RALGAPA2: variants seen among roughly 807,000 people sequenced by gnomAD.
RALGAPA2 encodes Ral GTPase activating protein catalytic subunit alpha 2, also known as ral GTPase-activating protein subunit alpha-2.
Under a neutral mutation model 230.4 loss-of-function variants are expected in RALGAPA2, and 139 were observed. The observed-to-expected ratio is 0.60, with a 90% CI of 0.53 to 0.69. RALGAPA2 has a LOEUF of 0.69. RALGAPA2 is among the 30% of genes least tolerant of loss of function. RALGAPA2 has a pLI of 0.00. For missense variants in RALGAPA2, 2,163 were observed against 2,276.0 expected, an observed-to-expected ratio of 0.95 and a Z score of 1.01; for synonymous variants, 847 against 837.8, an observed-to-expected ratio of 1.01 and a Z score of -0.19.
At chr20:20,405,791 A>G (rs1300344084) in intron 38 of RALGAPA2, among the ~76,000 whole-genome samples, 1 of 152,106 alleles carries the variant, frequency 6.6e-6, no homozygotes, top group East Asian at 1.9e-4. Flanking sequence ...CACTTTCACT[A>G]AGAGACTGGG....
chr20:20,488,990 T>C (rs1338945657), intron 36 of RALGAPA2, among the ~76,000 whole-genome samples: 3 of 152,216 alleles, frequency 2.0e-5, no homozygotes, highest in Non-Finnish European at 4.4e-5. Context: ...TAAGATCTCT[T>C]GTGACCATCT....
chr20:20,415,825 A>T (rs2060153539), intron 37 of RALGAPA2, among the ~76,000 whole-genome samples: 1 of 152,254 alleles, frequency 6.6e-6, no homozygotes, highest in Non-Finnish European at 1.5e-5. Context: ...GAACTTCTCG[A>T]GACTCTCAAG....
intron 20 of RALGAPA2, among the ~76,000 whole-genome samples, chr20:20,573,478 T>G (rs1366124946): frequency 6.6e-6 from 1 of 152,130 alleles, no homozygotes; most frequent in Non-Finnish European, 1.5e-5. Flanking sequence ...ACAAGAAATT[T>G]CCATCCCTTT....
rs1351598783 is a variant in RALGAPA2, at chr20:20,571,948, TAA to T, written c.2902-4_2902-3del. The T allele has an allele frequency of 6.3e-7, 1 of 1,594,320 alleles. No individual in the cohort carries two copies. Among genetic ancestry groups the T allele is most frequent in the East Asian group, 2.2e-5 (1 of 44,538 alleles). ...GCTTATTGCTAGATTATCCCGTATCTAATTCACAAAGAGGAGAATTTTAGGGT... is the reference window on the plus strand; with the variant it reads ...GCTTATTGCTAGATTATCCCGTATCTTTCACAAAGAGGAGAATTTTAGGGT... On this transcript the variant is annotated splice_region_variant and splice_polypyrimidine_tract_variant and intron_variant, in intron 21 of 39. Coordinates refer to ENST00000202677, the MANE Select transcript of RALGAPA2 (RefSeq NM_020343.4).
At chr20:20,447,670 C>G (rs983806683) in intron 37 of RALGAPA2, among the ~76,000 whole-genome samples, 3 of 150,388 alleles carry the variant, frequency 2.0e-5, no homozygotes, top group Admixed American at 6.6e-5. Flanking sequence ...AGTCAAATAT[C>G]AACAACTTCA....
At chr20:20,525,257 G>A (rs1378674905) in intron 28 of RALGAPA2, among the ~76,000 whole-genome samples, 5 of 152,174 alleles carry the variant, frequency 3.3e-5, no homozygotes, top group Non-Finnish European at 7.4e-5. Context: ...TAGTTTTATT[G>A]TAAATTACCC....
intron 4 of RALGAPA2, among the ~76,000 whole-genome samples, chr20:20,648,496 TA>T (rs1396698827): frequency 1.1e-4 from 17 of 152,170 alleles, no homozygotes; most frequent in African/African-American, 3.6e-4. Context: ...TAAATATATG[TA>T]ATTTACTGTG....
rs189808281 is a variant in RALGAPA2 at position 20,570,898 on chromosome 20, C to T, written c.3156+560G>A. Reference sequence around the variant, plus strand: ...GTCAGGGTCTGGCCACACCCTATCTCCCAAACCTAGGGCCTACAAGGAGGA... The same window carrying T: ...GTCAGGGTCTGGCCACACCCTATCTTCCAAACCTAGGGCCTACAAGGAGGA... On this transcript the variant is annotated intron_variant, in intron 23 of 39. Transcript: ENST00000202677. Among the ~76,000 whole-genome samples, 206 of 152,316 alleles carry T rather than the reference C, an allele frequency of 1.4e-3. 2 individuals are homozygous for T. The highest frequency in any genetic ancestry group is 3.7e-4 in the Non-Finnish European group (25 of 68,024).
At position 20,546,572 on chromosome 20, in the gene RALGAPA2, G is replaced by C. The variant is rs574607480; in HGVS notation, c.3285+132C>G. 281 of 1,187,472 alleles carry C rather than the reference G, an allele frequency of 2.4e-4. No individual in the cohort carries two copies. In the African/African-American group the frequency reaches 3.8e-3, roughly 16 times the overall value. The allele number at this position is 1,187,472 out of a possible 1,614,324, so 73.6% of individuals were successfully genotyped here. A position where few individuals can be genotyped will look rare whatever the true frequency, so the allele number is the denominator to read the frequency against. ...TACAATTTCACACATCAGCTGCCAG[G>C]GTATCTACCCTGAGAGCCCAGTTTC... is the stretch of plus-strand genomic sequence containing the variant. On this transcript the variant is annotated intron_variant, in intron 24 of 39. Coordinates refer to ENST00000202677, the MANE Select transcript of RALGAPA2 (RefSeq NM_020343.4).
Position 20,676,224 on chromosome 20 carries a change from A to T in RALGAPA2, c.270+12T>A. The stretch of plus-strand genomic sequence containing the variant: ...AGAATTATAAAAGCTAAATAAACTC[A>T]TCAAAACTTACTTCAAAAAGGAAGA... On this transcript the variant is annotated intron_variant, in intron 3 of 39. Transcript: ENST00000202677. The T allele has an allele frequency of 2.0e-6, 3 of 1,508,850 alleles. No homozygotes were observed. The highest frequency in any genetic ancestry group is 2.7e-6 in the Non-Finnish European group (3 of 1,098,336). 93.5% of individuals were successfully genotyped at this position (1,508,850 alleles called of 1,614,324 possible). A position where few individuals can be genotyped will look rare whatever the true frequency, so the allele number is the denominator to read the frequency against.
At chr20:20,576,795 T>TCAA (rs2064833098) in intron 20 of RALGAPA2, among the ~76,000 whole-genome samples, 2 of 152,130 alleles carry the variant, frequency 1.3e-5, no homozygotes, top group African/African-American at 4.8e-5. Context: ...AATAGCATAC[T>TCAA]GTATTATTTT....
At position 20,581,580 on chromosome 20, in the gene RALGAPA2, T is replaced by C. The variant is rs536864538; in HGVS notation, c.2707+1470A>G. On this transcript the variant is annotated intron_variant, in intron 20 of 39. Coordinates refer to ENST00000202677, the MANE Select transcript of RALGAPA2 (RefSeq NM_020343.4). The stretch of plus-strand genomic sequence containing the variant: ...AATCTCCCCATCTCTAAAACAGACA[T>C]GATAAGACTTGGCCTGCTTCCCATA... Among the ~76,000 whole-genome samples the C allele has an allele frequency of 2.0e-5, 3 of 152,282 alleles. No homozygotes were observed. In the East Asian group the frequency reaches 5.8e-4, roughly 29 times the overall value.
At chr20:20,454,864 A>G (rs2061073671) in intron 37 of RALGAPA2, among the ~76,000 whole-genome samples, 1 of 152,228 alleles carries the variant, frequency 6.6e-6, no homozygotes, top group South Asian at 2.1e-4. Flanking sequence ...ATATTTTTAA[A>G]GTTTTAATGT....
chr20:20,402,750 C>T (rs1392025732), intron 38 of RALGAPA2, among the ~76,000 whole-genome samples: 2 of 152,186 alleles, frequency 1.3e-5, no homozygotes, highest in African/African-American at 4.8e-5. Context: ...TCCCCCATCC[C>T]CACAGTGCAC....
intron 3 of RALGAPA2, among the ~76,000 whole-genome samples, chr20:20,672,441 C>T (rs890128543): frequency 2.6e-5 from 4 of 151,964 alleles, no homozygotes; most frequent in Non-Finnish European, 4.4e-5. Flanking sequence ...TAAAAATGAA[C>T]GAGGATCAAG....
In RALGAPA2 at chr20:20,512,577, G is replaced by A. The variant is rs1017215691; in HGVS notation, c.4792C>T (p.Arg1598Ter). The A allele has an allele frequency of 1.9e-6, 3 of 1,613,624 alleles. No homozygotes were observed. Among genetic ancestry groups the A allele is most frequent in the East Asian group, 2.2e-5 (1 of 44,882 alleles). ...SQGQPSPVEP[R>*]GPFYFCRLLL... Reference sequence around the variant, plus strand: ...AACCTGCAGAAATAAAAGGGTCCTCGGGGCTCCACTGGGGAGGGCTGCCCT... The same window carrying A: ...AACCTGCAGAAATAAAAGGGTCCTCAGGGCTCCACTGGGGAGGGCTGCCCT... Residue 1598 changes from arginine (R) to a stop codon, truncating the protein, a stop_gained, in exon 32 of 40, where the codon CGA (arginine) becomes TGA (stop). Coordinates refer to ENST00000202677, the MANE Select transcript of RALGAPA2 (RefSeq NM_020343.4). LOFTEE classifies it high-confidence loss of function.
At chr20:20,468,941 CTG>C (rs373453686) in intron 37 of RALGAPA2, among the ~76,000 whole-genome samples, 103 of 147,860 alleles carry the variant, frequency 7.0e-4, no homozygotes, top group South Asian at 3.9e-3. Flanking sequence ...CACCTCCATC[CTG>C]TGTGTGTGTG....
At chr20:20,593,118 T>A (rs1405095878) in intron 16 of RALGAPA2, among the ~76,000 whole-genome samples, 1 of 152,192 alleles carries the variant, frequency 6.6e-6, no homozygotes, top group Non-Finnish European at 1.5e-5. Flanking sequence ...GGTTTTGCCA[T>A]GTTGCCTAGG....
At chr20:20,451,934 T>C (rs773255941) in intron 37 of RALGAPA2, among the ~76,000 whole-genome samples, 8 of 152,256 alleles carry the variant, frequency 5.3e-5, no homozygotes, top group Non-Finnish European at 1.2e-4. Flanking sequence ...AATACTATAA[T>C]GTGAGCTTGA....
Sources: gnomAD v4.1 joint callset for allele counts (sites outside exome capture counted in the v4.1 genomes callset) on GRCh38, gnomAD v4.1.1 for gene constraint, MANE v1.5 for transcripts, NCBI Gene and HGNC (gene_info 2026-07-23, HGNC 2026-07-21) for gene names.